DCDC1: variants seen among roughly 807,000 people sequenced by gnomAD.
DCDC1 encodes doublecortin domain-containing protein 1.
DCDC1 carries 200 observed loss-of-function variants against 178.3 expected under a neutral mutation model. That is an observed-to-expected ratio of 1.12 (90% CI 1.00 to 1.26). The LOEUF is 1.26. Among genes scored for constraint, DCDC1 ranks in the 50% most tolerant of loss-of-function variants. The pLI, the probability that DCDC1 is intolerant of heterozygous loss-of-function variation, is 0.00. For missense variants in DCDC1, 1,983 were observed against 1,749.2 expected, an observed-to-expected ratio of 1.13 and a Z score of -2.38; for synonymous variants, 690 against 604.8, an observed-to-expected ratio of 1.14 and a Z score of -2.07.
At chr11:31,225,691 T>TTA (rs974700911) in intron 9 of DCDC1, among the ~76,000 whole-genome samples, 186 of 147,572 alleles carry the variant, frequency 1.3e-3, no homozygotes, top group East Asian at 7.7e-3. Context: ...GGAAGAAAAA[T>TTA]TATATATATA....
At chr11:31,357,992 C>T (rs1054295503) in intron 1 of DCDC1, among the ~76,000 whole-genome samples, 4 of 152,092 alleles carry the variant, frequency 2.6e-5, no homozygotes, top group African/African-American at 4.8e-5. Context: ...GAATCAATAC[C>T]GTGAAAATGG....
At chr11:31,097,651 G>A (rs1417596191) in intron 15 of DCDC1, among the ~76,000 whole-genome samples, 1 of 152,112 alleles carries the variant, frequency 6.6e-6, no homozygotes, top group Non-Finnish European at 1.5e-5. Context: ...AGTCAAACAC[G>A]GCAAAATATC....
At position 31,074,149 on chromosome 11, in the gene DCDC1, G is replaced by A. The variant is rs867771248; in HGVS notation, c.2298+3716C>T. ...GGGGAAATGGAAGGTATAGAAAGAT[G>A]CCTGACTCATGGCTCAGATCCAGTT... On this transcript the variant is annotated intron_variant, in intron 18 of 38. Transcript: ENST00000684477. Among the ~76,000 whole-genome samples, 3 of 152,048 alleles carry A rather than the reference G, an allele frequency of 2.0e-5. No individual in the cohort carries two copies. The South Asian group carries it at 6.2e-4, about 32-fold the overall frequency.
At chr11:30,967,809 C>G (rs1437513687) in intron 20 of DCDC1, among the ~76,000 whole-genome samples, 2 of 151,996 alleles carry the variant, frequency 1.3e-5, no homozygotes, top group Non-Finnish European at 2.9e-5. Context: ...CTGTGTCAAT[C>G]AAAGTTCTTA....
intron 21 of DCDC1, among the ~76,000 whole-genome samples, chr11:30,945,384 C>G (rs1277293477): frequency 1.3e-5 from 2 of 151,752 alleles, no homozygotes; most frequent in Non-Finnish European, 2.9e-5. Context: ...ACTTTTATGC[C>G]AAGTTATATA....
intron 6 of DCDC1, among the ~76,000 whole-genome samples, chr11:31,299,659 A>T (rs947225409): frequency 6.6e-6 from 1 of 152,192 alleles, no homozygotes; most frequent in Non-Finnish European, 1.5e-5. Context: ...CCTAGCAAAT[A>T]CCTTTGTTAG....
intron 20 of DCDC1, among the ~76,000 whole-genome samples, chr11:30,974,669 A>T (rs1950003844): frequency 6.6e-6 from 1 of 152,122 alleles, no homozygotes. Flanking sequence ...AGGAAGAAAC[A>T]GAAGACCTGA....
intron 9 of DCDC1, among the ~76,000 whole-genome samples, chr11:31,161,004 TG>T (rs1966271628): frequency 6.6e-6 from 1 of 152,210 alleles, no homozygotes; most frequent in African/African-American, 2.4e-5. Context: ...AGTTTAGAAA[TG>T]ATGAAATTCT....
rs1187982972 is a variant in DCDC1 at position 31,110,346 on chromosome 11, T to C, written c.1501A>G (p.Lys501Glu). Residue 501 changes from lysine to glutamate, a missense_variant, in exon 12 of 39, where the codon AAA becomes GAA. Transcript: ENST00000684477. Reference protein sequence around the residue: ...GLQLKVFENGKNTGEISVGIS... With the variant: ...GLQLKVFENGENTGEISVGIS... ...CCAACAGAGATCTCTCCAGTGTTTT[T>C]ACCATTTTCAAATACCTGAAAAATA... is the stretch of plus-strand genomic sequence containing the variant. The C allele has an allele frequency of 1.4e-6, 1 of 702,668 alleles. No homozygotes were observed. Among genetic ancestry groups the C allele is most frequent in the East Asian group, 2.7e-5 (1 of 37,482 alleles). The allele number at this position is 702,668 out of a possible 1,614,324, so 43.5% of individuals were successfully genotyped here.
chr11:30,915,607 A>AC lies in DCDC1; in HGVS notation c.3556dup (p.Val1186GlyfsTer20). ...GCCTGATCGGAGATTGGGACCTTGA[A>AC]CCCCCAAGACTAGCTGAGGAGCAGC... On this transcript the variant is annotated frameshift_variant, in exon 27 of 39. Coordinates refer to ENST00000684477, the MANE Select transcript of DCDC1 (RefSeq NM_001387274.1). LOFTEE classifies it high-confidence loss of function. 1.2e-6 allele frequency: 2 copies of AC among 1,613,720 alleles called. No homozygotes were observed. Among genetic ancestry groups the AC allele is most frequent in the Non-Finnish European group, 1.7e-6 (2 of 1,179,798 alleles).
chr11:31,013,268 G>C (rs1245356817), intron 20 of DCDC1, among the ~76,000 whole-genome samples: 1 of 151,866 alleles, frequency 6.6e-6, no homozygotes, highest in Non-Finnish European at 1.5e-5. Context: ...TTCTTTTCAA[G>C]AGCGCTCCAC....
intron 8 of DCDC1, among the ~76,000 whole-genome samples, chr11:31,246,407 T>C (rs942321458): frequency 7.9e-5 from 12 of 151,790 alleles, no homozygotes. Flanking sequence ...TAACAAGATA[T>C]CATTTAGAAA....
chr11:30,984,466 A>G (rs1950540438), intron 20 of DCDC1, among the ~76,000 whole-genome samples: 1 of 152,216 alleles, frequency 6.6e-6, no homozygotes, highest in African/African-American at 2.4e-5. Context: ...GAATAACCAG[A>G]TTCACACAAT....
rs549616499 is a variant in DCDC1 at position 31,299,022 on chromosome 11, T to C, written c.754+6593A>G. Among the ~76,000 whole-genome samples the C allele has an allele frequency of 4.5e-4, 68 of 152,326 alleles. No individual in the cohort carries two copies. The South Asian group carries it at 0.012, about 27-fold the overall frequency. On this transcript the variant is annotated intron_variant, in intron 6 of 38. Coordinates refer to ENST00000684477, the MANE Select transcript of DCDC1 (RefSeq NM_001387274.1). The stretch of plus-strand genomic sequence containing the variant: ...GCAAGATGAGTTTATAAAATACAAA[T>C]GCTCCGACAGTAAGAAAACATACTG...
intron 27 of DCDC1, among the ~76,000 whole-genome samples, chr11:30,911,909 T>C (rs981522470): frequency 6.6e-6 from 1 of 152,148 alleles, no homozygotes; most frequent in African/African-American, 2.4e-5. Context: ...CTCAGTGTTA[T>C]GGTTTGAATG....
At chr11:31,039,595 G>A (rs1414133140) in intron 20 of DCDC1, among the ~76,000 whole-genome samples, 1 of 152,112 alleles carries the variant, frequency 6.6e-6, no homozygotes, top group Non-Finnish European at 1.5e-5. Context: ...TATTTTTAAA[G>A]AGACAAAGGG....
At chr11:31,365,600 A>T (rs1951918140) in intron 1 of DCDC1, among the ~76,000 whole-genome samples, 1 of 152,144 alleles carries the variant, frequency 6.6e-6, no homozygotes, top group Non-Finnish European at 1.5e-5. Context: ...CAAATTAAGA[A>T]TTTGTGAATG....
At chr11:31,297,068 C>T (rs1271060524) in intron 6 of DCDC1, among the ~76,000 whole-genome samples, 1 of 152,104 alleles carries the variant, frequency 6.6e-6, no homozygotes, top group Non-Finnish European at 1.5e-5. Flanking sequence ...AAATGTGGTT[C>T]GAGGGCTGAC....
At chr11:30,883,688 AG>A (rs1316787840) in intron 36 of DCDC1, among the ~76,000 whole-genome samples, 1 of 152,196 alleles carries the variant, frequency 6.6e-6, no homozygotes, top group Non-Finnish European at 1.5e-5. Context: ...TGAAGTTTTT[AG>A]GGGAAAAGAT....
Sources: allele counts gnomAD v4.1 joint callset (sites outside exome capture counted in the v4.1 genomes callset), GRCh38; gene constraint gnomAD v4.1.1; transcripts MANE v1.5; gene names NCBI Gene and HGNC (gene_info 2026-07-23, HGNC 2026-07-21).